ATOSA: variants seen among roughly 807,000 people sequenced by gnomAD.
ATOSA encodes atos homolog A.
the ATOSA span, chr15:52,586,489 C>T: frequency 4.6e-5 from 7 of 152,232 alleles, no homozygotes; most frequent in African/African-American, 1.4e-4. Flanking sequence ...AGTCTGCAAA[C>T]TCTGTAATAG....
chr15:52,668,658 T>C, the ATOSA span, among the ~76,000 whole-genome samples: 1 of 152,202 alleles, frequency 6.6e-6, no homozygotes, highest in African/African-American at 2.4e-5. Flanking sequence ...TGGAACATCA[T>C]ACTGGACTTC....
chr15:52,609,199 CTAT>C, the ATOSA span: 9 of 1,612,466 alleles, frequency 5.6e-6, no homozygotes, highest in Non-Finnish European at 6.8e-6. Context: ...CTTTTCTTTA[CTAT>C]TATTTTTAAA....
the ATOSA span, among the ~76,000 whole-genome samples, chr15:52,697,768 G>A: frequency 2.0e-5 from 3 of 151,676 alleles, no homozygotes; most frequent in South Asian, 2.1e-4. Flanking sequence ...AAAAAATTGG[G>A]CAAAGACTTG....
the ATOSA span, chr15:52,608,473 G>C: frequency 2.4e-6 from 3 of 1,250,740 alleles, no homozygotes; most frequent in Admixed American, 2.6e-5. Flanking sequence ...ATAGATAATG[G>C]AACCTTGGGC....
At chr15:52,592,056 G>C in the ATOSA span, among the ~76,000 whole-genome samples, 1 of 152,022 alleles carries the variant, frequency 6.6e-6, no homozygotes, top group Non-Finnish European at 1.5e-5. Flanking sequence ...GAAGAAACTG[G>C]GCCAGTAATG....
At chr15:52,691,535 C>T in the ATOSA span, among the ~76,000 whole-genome samples, 1 of 152,016 alleles carries the variant, frequency 6.6e-6, no homozygotes, top group East Asian at 1.9e-4. Flanking sequence ...TAAACAGAAC[C>T]AAGAATAGGT....
chr15:52,645,085 C>T, the ATOSA span, among the ~76,000 whole-genome samples: 1 of 152,226 alleles, frequency 6.6e-6, no homozygotes, highest in Non-Finnish European at 1.5e-5. Context: ...GCTACTGTTG[C>T]TAACTTCTAG....
chr15:52,606,907 A>G, the ATOSA span, among the ~76,000 whole-genome samples: 3 of 152,224 alleles, frequency 2.0e-5, no homozygotes, highest in African/African-American at 4.8e-5. Context: ...AATTTTCCAT[A>G]TAATTGAGAT....
chr15:52,629,638 C>A, the ATOSA span: 2 of 408,324 alleles, frequency 4.9e-6, no homozygotes, highest in Admixed American at 2.6e-5. Context: ...CCTGTCTCTA[C>A]TAAAAATACA....
the ATOSA span, among the ~76,000 whole-genome samples, chr15:52,600,473 G>GA: frequency 6.6e-6 from 1 of 151,926 alleles, no homozygotes. Context: ...ACAAAATTAA[G>GA]AAAATCTGAA....
chr15:52,687,336 C>T, the ATOSA span, among the ~76,000 whole-genome samples: 1 of 152,156 alleles, frequency 6.6e-6, no homozygotes, highest in Non-Finnish European at 1.5e-5. Context: ...GCCCGGGAGG[C>T]GGAGCATGCA....
chr15:52,653,291 A>G, the ATOSA span, among the ~76,000 whole-genome samples: 1 of 152,232 alleles, frequency 6.6e-6, no homozygotes, highest in Non-Finnish European at 1.5e-5. Flanking sequence ...AGCCACAAAT[A>G]GCATGCAATT....
At chr15:52,601,211 A>T in the ATOSA span, 2 of 1,250,258 alleles carry the variant, frequency 1.6e-6, no homozygotes, top group Non-Finnish European at 2.2e-6. Flanking sequence ...AAAACTGTTA[A>T]TTTTTTTCTT....
the ATOSA span, chr15:52,586,880 C>T: frequency 3.0e-6 from 1 of 336,028 alleles, no homozygotes; most frequent in Admixed American, 5.3e-5. Context: ...ATATTAGGTT[C>T]TAAATATGTA....
At chr15:52,700,152 C>T in the ATOSA span, among the ~76,000 whole-genome samples, 1 of 152,134 alleles carries the variant, frequency 6.6e-6, no homozygotes, top group Non-Finnish European at 1.5e-5. Context: ...CTTTTCTTTA[C>T]AGGAACAACT....
the ATOSA span, among the ~76,000 whole-genome samples, chr15:52,622,305 A>G: frequency 6.6e-6 from 1 of 152,228 alleles, no homozygotes; most frequent in Non-Finnish European, 1.5e-5. Flanking sequence ...ATTAGGTAAG[A>G]ACTGGAATCT....
the ATOSA span, chr15:52,584,650 G>C: frequency 9.4e-7 from 1 of 1,061,506 alleles, no homozygotes; most frequent in Non-Finnish European, 1.3e-6. Flanking sequence ...AGTCCCAAGG[G>C]ACACTGGTCT....
At chr15:52,613,288 C>T in the ATOSA span, among the ~76,000 whole-genome samples, 8 of 152,230 alleles carry the variant, frequency 5.3e-5, no homozygotes, top group African/African-American at 1.9e-4. Context: ...ATTGCTTGAA[C>T]CCGGGAGGTG....
the ATOSA span, among the ~76,000 whole-genome samples, chr15:52,647,745 TACAC>T: frequency 6.6e-6 from 1 of 152,174 alleles, no homozygotes; most frequent in Non-Finnish European, 1.5e-5. Flanking sequence ...CGAGTGTACA[TACAC>T]ACACAACAGA....
Sources: allele counts gnomAD v4.1 joint callset (sites outside exome capture counted in the v4.1 genomes callset), GRCh38; gene constraint gnomAD v4.1.1; transcripts MANE v1.5; gene names NCBI Gene and HGNC (gene_info 2026-07-23, HGNC 2026-07-21).